STK10: variants seen among roughly 807,000 people sequenced by gnomAD.
STK10 encodes the protein serine/threonine-protein kinase 10.
A neutral mutation model predicts 113.8 loss-of-function variants in STK10; 78 were observed. The observed-to-expected ratio is 0.69, with a 90% CI of 0.57 to 0.83. The LOEUF is 0.83. STK10 is among the 40% of genes least tolerant of loss of function. The pLI is 0.00. For synonymous variants in STK10, 465 were observed against 494.7 expected, an observed-to-expected ratio of 0.94 and a Z score of 0.80; for missense variants, 1,109 against 1,280.1, an observed-to-expected ratio of 0.87 and a Z score of 2.04.
At chr5:172,115,965 T>TG (rs1769374183) in intron 4 of STK10, among the ~76,000 whole-genome samples, 1 of 152,114 alleles carries the variant, frequency 6.6e-6, no homozygotes, top group South Asian at 2.1e-4. Flanking sequence ...GGGCGGGGCA[T>TG]GGGGGTTGGG....
intron 3 of STK10, among the ~76,000 whole-genome samples, chr5:172,124,236 A>C (rs1159434855): frequency 6.6e-6 from 1 of 152,076 alleles, no homozygotes; most frequent in South Asian, 2.1e-4. Flanking sequence ...ATCTCTTATC[A>C]TAACTCTTTA....
At chr5:172,142,631 A>G (rs972251175) in intron 2 of STK10, among the ~76,000 whole-genome samples, 3 of 152,338 alleles carry the variant, frequency 2.0e-5, no homozygotes, top group East Asian at 1.9e-4. Context: ...CCTGGACCTC[A>G]TAAGATTTAT....
At chr5:172,061,032 G>T in intron 14 of STK10, 107 bp downstream of exon 14, 1 of 1,440,940 alleles carries the variant, frequency 6.9e-7, no homozygotes, top group South Asian at 1.5e-5. Context: ...TTTAGTTTTG[G>T]GGATGGAGAA....
intron 12 of STK10, among the ~76,000 whole-genome samples, chr5:172,070,254 A>T (rs1228035401): frequency 4.8e-5 from 7 of 146,936 alleles, no homozygotes; most frequent in Non-Finnish European, 9.0e-5. Context: ...ACCTCAAAAA[A>T]ATATATATCT....
intron 3 of STK10, 111 bp from the exon 4 acceptor site, chr5:172,117,741 G>A (rs138494727): frequency 1.5e-5 from 22 of 1,456,960 alleles, no homozygotes; most frequent in East Asian, 9.4e-5. Flanking sequence ...TAGGCCAGGC[G>A]TGGTGGCTCA....
intron 1 of STK10, among the ~76,000 whole-genome samples, chr5:172,157,409 T>C (rs1770372555): frequency 6.6e-6 from 1 of 151,848 alleles, no homozygotes; most frequent in Admixed American, 6.6e-5. Flanking sequence ...ATACAAAAAT[T>C]AGCCAGTGTG....
At chr5:172,139,263 G>A (rs976898840) in intron 2 of STK10, among the ~76,000 whole-genome samples, 2 of 152,102 alleles carry the variant, frequency 1.3e-5, no homozygotes, top group African/African-American at 4.8e-5. Flanking sequence ...CAAAGGTGAA[G>A]GTCGCACACT....
chr5:172,048,930 C>CT (rs1767565144), intron 18 of STK10, among the ~76,000 whole-genome samples: 1 of 152,138 alleles, frequency 6.6e-6, no homozygotes, highest in Non-Finnish European at 1.5e-5. Context: ...GTGTCCGGGC[C>CT]TTTGCAGTTG....
chr5:172,128,661 T>A (rs1233596245), intron 2 of STK10, among the ~76,000 whole-genome samples: 1 of 152,148 alleles, frequency 6.6e-6, no homozygotes, highest in Non-Finnish European at 1.5e-5. Flanking sequence ...CTACAGGTGG[T>A]TGAGGAAGAG....
intron 14 of STK10, among the ~76,000 whole-genome samples, chr5:172,058,775 A>G (rs34943604): frequency 0.22 from 33,385 of 152,018 alleles, 3,917 homozygotes; most frequent in Middle Eastern, 0.29. Flanking sequence ...CTGTAATCAC[A>G]GCTGCTCAGG....
intron 10 of STK10, among the ~76,000 whole-genome samples, chr5:172,085,253 G>GA (rs1160966090): frequency 6.7e-6 from 1 of 148,718 alleles, no homozygotes; most frequent in Non-Finnish European, 1.5e-5. Flanking sequence ...GTTAAAAAAA[G>GA]AAAAAAAAAT....
At chr5:172,166,068 C>T (rs1770566751) in intron 1 of STK10, among the ~76,000 whole-genome samples, 1 of 152,264 alleles carries the variant, frequency 6.6e-6, no homozygotes, top group African/African-American at 2.4e-5. Context: ...GCAGGGATTA[C>T]AGGCGTGAGC....
chr5:172,137,943 C>A (rs1406976358), intron 2 of STK10, among the ~76,000 whole-genome samples: 3 of 149,224 alleles, frequency 2.0e-5, no homozygotes, highest in Admixed American at 6.7e-5. Context: ...TAAAAATGCA[C>A]AATTAACATC....
chr5:172,142,118 T>A (rs1212389316), intron 2 of STK10, among the ~76,000 whole-genome samples: 1 of 152,144 alleles, frequency 6.6e-6, no homozygotes, highest in Non-Finnish European at 1.5e-5. Flanking sequence ...TAGGCGGGGA[T>A]AAATGAGACA....
chr5:172,057,826 C>T (rs560009720), intron 14 of STK10, among the ~76,000 whole-genome samples: 4 of 152,270 alleles, frequency 2.6e-5, no homozygotes, highest in Admixed American at 2.6e-4. Context: ...CAGATGGACA[C>T]AGCTATACCA....
At chr5:172,064,652 G>C in intron 13 of STK10, 68 bp downstream of exon 13, 2 of 1,532,848 alleles carry the variant, frequency 1.3e-6, no homozygotes, top group African/African-American at 2.7e-5. Flanking sequence ...AAGGCAGAGA[G>C]GGGGCCTGGT....
At chr5:172,129,162 G>T (rs1011865731) in intron 2 of STK10, among the ~76,000 whole-genome samples, 12 of 152,328 alleles carry the variant, frequency 7.9e-5, no homozygotes, top group African/African-American at 2.9e-4. Flanking sequence ...CTACACTAGG[G>T]GTATAAGCCG....
chr5:172,113,055 G>A (rs1057281382), intron 4 of STK10, among the ~76,000 whole-genome samples: 3 of 152,112 alleles, frequency 2.0e-5, no homozygotes, highest in African/African-American at 7.2e-5. Flanking sequence ...ACCCACTTTT[G>A]TTCTTTAAAA....
At chr5:172,097,322 G>T (rs1401676524) in intron 7 of STK10, among the ~76,000 whole-genome samples, 1 of 152,368 alleles carries the variant, frequency 6.6e-6, no homozygotes, top group South Asian at 2.1e-4. Flanking sequence ...TTACAGGCGT[G>T]AGCCACTGTG....
Sources: gnomAD v4.1 joint callset for allele counts (sites outside exome capture counted in the v4.1 genomes callset) on GRCh38, gnomAD v4.1.1 for gene constraint, MANE v1.5 for transcripts, NCBI Gene and HGNC (gene_info 2026-07-23, HGNC 2026-07-21) for gene names.